CELF2: variants seen among roughly 807,000 people sequenced by gnomAD.
CELF2 encodes CUGBP Elav-like family member 2, also known as CUG triplet repeat RNA-binding protein 2.
In CELF2, 8 loss-of-function variants were observed where a neutral mutation model predicts 62.6. That is an observed-to-expected ratio of 0.13 (90% CI 0.07 to 0.23). CELF2 has a LOEUF of 0.23. CELF2 is among the 10% of genes least tolerant of loss of function. CELF2 has a pLI of 1.00. For missense variants in CELF2, 333 were observed against 671.0 expected (o/e 0.50, Z 5.56); for synonymous variants, 258 against 250.0 (o/e 1.03, Z -0.30).
chr10:11,209,350 C>T (rs780769476), intron 2 of CELF2, among the ~76,000 whole-genome samples: 1 of 151,682 alleles, frequency 6.6e-6, no homozygotes, highest in Non-Finnish European at 1.5e-5. Flanking sequence ...GGCCCAGAGT[C>T]GGTCATAGTG....
chr10:11,261,123 G>C (rs1237456220), intron 5 of CELF2, among the ~76,000 whole-genome samples: 1 of 152,210 alleles, frequency 6.6e-6, no homozygotes, highest in Non-Finnish European at 1.5e-5. Flanking sequence ...CAAACTCTTG[G>C]ATTATGGTGA....
intron 1 of CELF2, among the ~76,000 whole-genome samples, chr10:10,903,797 C>G (rs1304857753): frequency 6.6e-6 from 1 of 152,218 alleles, no homozygotes; most frequent in Admixed American, 6.5e-5. Flanking sequence ...GCAGAGCCAC[C>G]TGCACAGGGG....
intron 1 of CELF2, among the ~76,000 whole-genome samples, chr10:10,840,015 A>G (rs1474140487): frequency 5.9e-5 from 9 of 152,148 alleles, no homozygotes; most frequent in Non-Finnish European, 1.3e-4. Context: ...AGTTTTGTCT[A>G]TGTATTTGCA....
chr10:10,771,857 T>C, the CELF2 span, among the ~76,000 whole-genome samples: 1 of 152,200 alleles, frequency 6.6e-6, no homozygotes, highest in Admixed American at 6.5e-5. Flanking sequence ...CTGCACGCTG[T>C]CCCAGTATCC....
chr10:11,086,229 GGAGA>G (rs2046681799), intron 1 of CELF2, among the ~76,000 whole-genome samples: 1 of 152,086 alleles, frequency 6.6e-6, no homozygotes, highest in African/African-American at 2.4e-5. Context: ...GCTCCACTGA[GGAGA>G]GAGCGGAATC....
chr10:11,147,542 T>C (rs2062503492), intron 1 of CELF2, among the ~76,000 whole-genome samples: 1 of 152,214 alleles, frequency 6.6e-6, no homozygotes, highest in South Asian at 2.1e-4. Flanking sequence ...TGTGCAAAGC[T>C]TGTCCCCATA....
chr10:10,757,767 T>C, the CELF2 span, among the ~76,000 whole-genome samples: 2 of 152,232 alleles, frequency 1.3e-5, no homozygotes, highest in Non-Finnish European at 2.9e-5. Flanking sequence ...TCCCTTTCTT[T>C]AGCAATGTGG....
At chr10:10,596,314 C>A in the CELF2 span, among the ~76,000 whole-genome samples, 1 of 151,830 alleles carries the variant, frequency 6.6e-6, no homozygotes, top group Non-Finnish European at 1.5e-5. Context: ...ATAATGTTCG[C>A]TTTGAAAAAG....
chr10:10,876,609 T>G (rs181335273), intron 1 of CELF2, among the ~76,000 whole-genome samples: 62 of 152,310 alleles, frequency 4.1e-4, no homozygotes, highest in Non-Finnish European at 5.6e-4. Flanking sequence ...TCTGGTTTTT[T>G]GATGTCTGCA....
the CELF2 span, among the ~76,000 whole-genome samples, chr10:10,708,285 C>A: frequency 6.6e-6 from 1 of 152,096 alleles, no homozygotes; most frequent in African/African-American, 2.4e-5. Flanking sequence ...GGAATGCTAC[C>A]CTCTGGCTTT....
the CELF2 span, among the ~76,000 whole-genome samples, chr10:10,574,897 T>TAA: frequency 7.2e-6 from 1 of 138,350 alleles, no homozygotes; most frequent in Non-Finnish European, 1.6e-5. Flanking sequence ...TTTTTTTTTT[T>TAA]AATAGAGATG....
rs2060793801 is a variant in CELF2, at chr10:11,207,750, C to T, written c.272-9675C>T. On this transcript the variant is annotated intron_variant, in intron 2 of 12. Coordinates refer to ENST00000633077, the MANE Select transcript of CELF2 (RefSeq NM_001326342.2). The surrounding 1 kb of genome is among the most constrained non-coding windows in gnomAD (Gnocchi z 4.1). ...AGGCAGTGGCCAGATGGTGATACCG[C>T]TGACATCAGGGTGCCAATTATATCA... 1.3e-5 allele frequency among the ~76,000 whole-genome samples: 2 copies of T among 152,224 alleles called. No individual in the cohort carries two copies. Among genetic ancestry groups the T allele is most frequent in the Non-Finnish European group, 1.5e-5 (1 of 68,046 alleles).
chr10:10,930,297 T>C (rs529783578), intron 2 of CELF2, among the ~76,000 whole-genome samples: 2 of 152,354 alleles, frequency 1.3e-5, no homozygotes, highest in African/African-American at 4.8e-5. Flanking sequence ...GAGATTTTGA[T>C]ACCCTATTTG....
the CELF2 span, among the ~76,000 whole-genome samples, chr10:10,706,688 C>T: frequency 1.3e-5 from 2 of 152,170 alleles, no homozygotes; most frequent in Non-Finnish European, 2.9e-5. Flanking sequence ...TATTAGAAAA[C>T]TAAGACTTGA....
chr10:10,734,048 A>G, the CELF2 span, among the ~76,000 whole-genome samples: 2 of 152,232 alleles, frequency 1.3e-5, no homozygotes, highest in African/African-American at 2.4e-5. Flanking sequence ...ATCAATTACT[A>G]ATTGTTCAAC....
At chr10:10,732,725 T>C in the CELF2 span, among the ~76,000 whole-genome samples, 2,519 of 152,234 alleles carry the variant, frequency 0.017, 63 homozygotes, top group African/African-American at 0.057. Flanking sequence ...GGTTTCACCA[T>C]GCTGGCCAGG....
At position 11,018,100 on chromosome 10, in the gene CELF2, C is replaced by T; in HGVS notation, c.11C>T (p.Ala4Val). ...CGTGCGCCCGCGAACATGACTTCTG[C>T]CTTCAAGCTGGATTTCCTCCCGGAC... MTSAFKLDFLPDMM... is the reference protein window; with the variant it reads MTSVFKLDFLPDMM... Residue 4 changes from alanine (A) to valine (V), a missense_variant, in exon 1 of 13, where the codon GCC becomes GTC. Physicochemically the swap from Ala to Val is moderately conservative, Grantham distance 64. Around this residue, in one of 3 missense-constraint regions of CELF2, gnomAD observed 45 missense variants for 39.8 expected, o/e 1.13. Transcript: ENST00000633077. The T allele has an allele frequency of 8.0e-6, 12 of 1,501,466 alleles. No individual in the cohort carries two copies. The highest frequency in any genetic ancestry group is 9.8e-6 in the Non-Finnish European group (11 of 1,119,436). The allele number at this position is 1,501,466 out of a possible 1,614,324, so 93.0% of individuals were successfully genotyped here.
chr10:11,226,775 TG>T (rs2066779284), intron 3 of CELF2, among the ~76,000 whole-genome samples: 1 of 152,034 alleles, frequency 6.6e-6, no homozygotes, highest in Non-Finnish European at 1.5e-5. Flanking sequence ...TAGAGACTTT[TG>T]GGTGTGAAGT....
chr10:10,932,163 A>C (rs1402671189), intron 2 of CELF2, among the ~76,000 whole-genome samples: 1 of 152,136 alleles, frequency 6.6e-6, no homozygotes, highest in Admixed American at 6.6e-5. Flanking sequence ...TGGGGGATAC[A>C]AGGTACGATG....
Sources: allele counts gnomAD v4.1 joint callset (sites outside exome capture counted in the v4.1 genomes callset), GRCh38; gene constraint gnomAD v4.1.1; regional missense constraint gnomAD v4.1.1; non-coding constraint Gnocchi (gnomAD v3.1); transcripts MANE v1.5; gene names NCBI Gene and HGNC (gene_info 2026-07-23, HGNC 2026-07-21).